The following SPIDR variants were observed in gnomAD, a reference collection of about 807,000 sequenced individuals.
SPIDR encodes DNA repair-scaffolding protein.
In SPIDR, 93 loss-of-function variants were observed where a neutral mutation model predicts 104.6. The observed-to-expected ratio is 0.89, with a 90% CI of 0.75 to 1.06. The LOEUF is 1.06. Ranked by LOEUF, SPIDR falls within the 50% of genes least tolerant of loss-of-function variation. The pLI is 0.00. For synonymous variants in SPIDR, 431 were observed against 416.9 expected, an observed-to-expected ratio of 1.03 and a Z score of -0.41; for missense variants, 1,154 against 1,111.2, an observed-to-expected ratio of 1.04 and a Z score of -0.55.
intron 8 of SPIDR, among the ~76,000 whole-genome samples, chr8:47,518,857 G>A (rs551663692): frequency 1.3e-5 from 2 of 152,106 alleles, no homozygotes; most frequent in East Asian, 1.9e-4. Flanking sequence ...GGATGGTCTC[G>A]GTCTACTGAC....
intron 10 of SPIDR, among the ~76,000 whole-genome samples, chr8:47,606,417 T>C (rs1283834882): frequency 6.7e-6 from 1 of 149,954 alleles, no homozygotes. Context: ...TCCCAGCTAC[T>C]AGGGAGGCTG....
At chr8:47,284,186 A>G (rs1586321651) in intron 3 of SPIDR, 92 bp downstream of exon 3, 1 of 1,036,998 alleles carries the variant, frequency 9.6e-7, no homozygotes, top group Non-Finnish European at 1.4e-6. Context: ...TAAAAAAGTG[A>G]CATGGTTTGG....
At chr8:47,331,166 T>C (rs1322869635) in intron 5 of SPIDR, among the ~76,000 whole-genome samples, 5 of 152,254 alleles carry the variant, frequency 3.3e-5, no homozygotes, top group African/African-American at 1.2e-4. Context: ...TGGAGAGATA[T>C]CTGTTAAGGC....
intron 8 of SPIDR, among the ~76,000 whole-genome samples, chr8:47,533,764 ATAAC>A (rs1459673049): frequency 6.6e-6 from 1 of 152,182 alleles, no homozygotes; most frequent in African/African-American, 2.4e-5. Flanking sequence ...ACGTCAAAAA[ATAAC>A]AGTTGCTGGC....
intron 5 of SPIDR, among the ~76,000 whole-genome samples, chr8:47,393,673 TTTTCCTTTCC>T (rs143995416): frequency 0.13 from 13,667 of 102,342 alleles, 1,067 homozygotes; most frequent in East Asian, 0.21. Flanking sequence ...TCCCTTTCCT[TTTTCCTTTCC>T]TTTCCTTTCC....
At chr8:47,654,600 T>C (rs2072354903) in intron 10 of SPIDR, among the ~76,000 whole-genome samples, 1 of 152,242 alleles carries the variant, frequency 6.6e-6, no homozygotes, top group Admixed American at 6.5e-5. Flanking sequence ...TGCACTCATA[T>C]AACACTTTGC....
chr8:47,317,574 T>C (rs891754776), intron 5 of SPIDR, among the ~76,000 whole-genome samples: 1 of 151,666 alleles, frequency 6.6e-6, no homozygotes. Context: ...TAGACTTAAA[T>C]GTCTGCAGCT....
chr8:47,417,268 T>C lies in SPIDR; in HGVS notation c.877+9307T>C, dbSNP rs367821275. ...ACAGCGTAAAAGTGTTCCTATTTCT[T>C]CACATCCTCTCCAGCACCTGTTGTT... On this transcript the variant is annotated intron_variant, in intron 7 of 19. Transcript: ENST00000297423. 3.9e-3 allele frequency among the ~76,000 whole-genome samples: 592 copies of C among 152,086 alleles called. 3 individuals are homozygous for C. The highest frequency in any genetic ancestry group is 0.022 in the South Asian group (108 of 4,820).
intron 8 of SPIDR, chr8:47,592,248 C>T (rs1056264113): frequency 1.4e-5 from 18 of 1,292,364 alleles, no homozygotes; most frequent in African/African-American, 2.9e-5. Flanking sequence ...GCTAATGGAT[C>T]GTCTGGATTG....
chr8:47,734,747 G>C (rs765636050), intron 19 of SPIDR, among the ~76,000 whole-genome samples: 1 of 152,154 alleles, frequency 6.6e-6, no homozygotes, highest in Non-Finnish European at 1.5e-5. Context: ...AGGACTCCCT[G>C]TACCTGTCTC....
At chr8:47,565,911 A>G (rs1356600773) in intron 8 of SPIDR, among the ~76,000 whole-genome samples, 2 of 144,004 alleles carry the variant, frequency 1.4e-5, no homozygotes, top group Non-Finnish European at 3.0e-5. Context: ...GCTGAAAACT[A>G]TATAACCACC....
At chr8:47,647,328 A>G (rs1200682347) in intron 10 of SPIDR, among the ~76,000 whole-genome samples, 1 of 152,148 alleles carries the variant, frequency 6.6e-6, no homozygotes, top group East Asian at 1.9e-4. Context: ...AATGTAAGAA[A>G]GTAAGCCCAG....
chr8:47,321,290 T>C (rs1382320214), intron 5 of SPIDR, among the ~76,000 whole-genome samples: 6 of 151,938 alleles, frequency 3.9e-5, no homozygotes, highest in African/African-American at 1.4e-4. Context: ...AGCATTCTTA[T>C]ACACCAATAA....
chr8:47,659,797 G>A (rs1485306890), intron 10 of SPIDR: 5 of 886,554 alleles, frequency 5.6e-6, no homozygotes, highest in Non-Finnish European at 6.8e-6. Context: ...CTTCGTAAGA[G>A]ATTATAAAGT....
intron 8 of SPIDR, among the ~76,000 whole-genome samples, chr8:47,564,325 G>T (rs962824698): frequency 1.3e-5 from 2 of 151,786 alleles, no homozygotes; most frequent in African/African-American, 4.8e-5. Flanking sequence ...GATCTGCCCG[G>T]CTCAGCCTCC....
Position 47,565,713 on chromosome 8 carries a change from T to G in SPIDR, c.1098-30098T>G, listed in dbSNP as rs534590279. Among the ~76,000 whole-genome samples the G allele has an allele frequency of 2.0e-5, 3 of 151,438 alleles. No homozygotes were observed. In the South Asian group the frequency reaches 6.2e-4, roughly 31 times the overall value. On this transcript the variant is annotated intron_variant, in intron 8 of 19. Coordinates refer to ENST00000297423, the MANE Select transcript of SPIDR (RefSeq NM_001080394.4). ...ACATTATGCTTTTTTACTTAATATTTTATTAAACATTTATGCATGATTATA... is the reference window on the plus strand; with the variant it reads ...ACATTATGCTTTTTTACTTAATATTGTATTAAACATTTATGCATGATTATA...
chr8:47,481,085 C>T (rs1298169593), intron 8 of SPIDR, among the ~76,000 whole-genome samples: 1 of 152,178 alleles, frequency 6.6e-6, no homozygotes, highest in Non-Finnish European at 1.5e-5. Context: ...AAAGACAGCA[C>T]AGGAATCACC....
Position 47,289,424 on chromosome 8 carries a change from G to A in SPIDR, c.257-1609G>A, listed in dbSNP as rs782016998. 4.5e-4 allele frequency among the ~76,000 whole-genome samples: 68 copies of A among 152,076 alleles called. No individual in the cohort carries two copies. In the South Asian group the frequency reaches 0.012, roughly 27 times the overall value. On this transcript the variant is annotated intron_variant, in intron 3 of 19. Coordinates refer to ENST00000297423, the MANE Select transcript of SPIDR (RefSeq NM_001080394.4). ...ATAAGATATATATGTACATATATAT[G>A]TTTTAGCATTATATTTACAATTATG...
intron 10 of SPIDR, among the ~76,000 whole-genome samples, chr8:47,649,005 C>T (rs1469219490): frequency 2.6e-5 from 4 of 152,080 alleles, no homozygotes; most frequent in South Asian, 2.1e-4. Context: ...AGAAGCCTGA[C>T]GGACATCACC....
Sources: allele counts gnomAD v4.1 joint callset (sites outside exome capture counted in the v4.1 genomes callset), GRCh38; gene constraint gnomAD v4.1.1; transcripts MANE v1.5; gene names NCBI Gene and HGNC (gene_info 2026-07-23, HGNC 2026-07-21).